LRMDA: variants seen among roughly 807,000 people sequenced by gnomAD.
LRMDA encodes the protein leucine-rich melanocyte differentiation-associated protein.
A neutral mutation model predicts 29.8 loss-of-function variants in LRMDA; 18 were observed. That is an observed-to-expected ratio of 0.60 (90% CI 0.42 to 0.90). LRMDA has a LOEUF of 0.90. LRMDA is among the 40% of genes least tolerant of loss of function. The probability of loss-of-function intolerance (pLI) is 0.00; values close to 1 mark genes in which losing one functional copy is unlikely to be tolerated. For missense variants in LRMDA, 273 were observed against 273.9 expected (o/e 1.00, Z 0.02); for synonymous variants, 125 against 109.4 (o/e 1.14, Z -0.89).
intron 2 of LRMDA, among the ~76,000 whole-genome samples, chr10:75,528,817 C>G (rs1042869658): frequency 5.3e-5 from 8 of 151,990 alleles, no homozygotes; most frequent in Non-Finnish European, 1.0e-4. Flanking sequence ...CACAAAAAAC[C>G]TAGTATTAAT....
chr10:75,905,661 A>G (rs1323844383), intron 2 of LRMDA, among the ~76,000 whole-genome samples: 12 of 152,114 alleles, frequency 7.9e-5, no homozygotes, highest in Non-Finnish European at 1.6e-4. Flanking sequence ...GGGGTTTGCA[A>G]TGAAGGGGAG....
At chr10:76,008,004 G>A (rs1020334390) in intron 2 of LRMDA, among the ~76,000 whole-genome samples, 2 of 152,080 alleles carry the variant, frequency 1.3e-5, no homozygotes, top group African/African-American at 2.4e-5. Context: ...TGGCTCTCTC[G>A]AGCTCTCATC....
intron 6 of LRMDA, among the ~76,000 whole-genome samples, chr10:76,402,758 C>T (rs755535009): frequency 3.3e-5 from 5 of 152,174 alleles, no homozygotes; most frequent in Non-Finnish European, 7.3e-5. Context: ...CTAAGAATTA[C>T]TAAGGAGGGA....
chr10:76,196,603 G>T (rs560672952), intron 5 of LRMDA, among the ~76,000 whole-genome samples: 2 of 152,312 alleles, frequency 1.3e-5, no homozygotes, highest in East Asian at 3.9e-4. Context: ...GAACAGGACA[G>T]AATACTGGGC....
intron 3 of LRMDA, among the ~76,000 whole-genome samples, chr10:76,044,599 G>A (rs976930166): frequency 3.9e-5 from 6 of 152,036 alleles, no homozygotes; most frequent in Non-Finnish European, 8.8e-5. Flanking sequence ...TTGAACTTTA[G>A]TAAGTGTATT....
intron 5 of LRMDA, among the ~76,000 whole-genome samples, chr10:76,302,140 C>G (rs569100393): frequency 6.6e-6 from 1 of 152,078 alleles, no homozygotes; most frequent in Admixed American, 6.5e-5. Flanking sequence ...CCCTCAGGTG[C>G]TCATGGAACA....
rs573995684 is a variant in LRMDA, at chr10:75,813,726, A to T, written c.132-222282A>T. 3.3e-5 allele frequency among the ~76,000 whole-genome samples: 5 copies of T among 152,330 alleles called. No individual in the cohort carries two copies. In the South Asian group the frequency reaches 1.0e-3, roughly 32 times the overall value. Reference sequence around the variant, plus strand: ...TACAACTTTACATGCAGTTTCAGATATCCAAATTCCCTGATCGTGAACTCC... The same window carrying T: ...TACAACTTTACATGCAGTTTCAGATTTCCAAATTCCCTGATCGTGAACTCC... On this transcript the variant is annotated intron_variant, in intron 2 of 6. Coordinates refer to ENST00000611255, the MANE Select transcript of LRMDA (RefSeq NM_001305581.2).
chr10:76,479,829 A>G (rs1354568132), intron 6 of LRMDA, among the ~76,000 whole-genome samples: 2 of 151,884 alleles, frequency 1.3e-5, no homozygotes, highest in South Asian at 4.1e-4. Context: ...TGAGCCTTAT[A>G]TGCTTTGACC....
At chr10:76,413,680 TTATC>T (rs1408791357) in intron 6 of LRMDA, among the ~76,000 whole-genome samples, 1 of 152,062 alleles carries the variant, frequency 6.6e-6, no homozygotes, top group African/African-American at 2.4e-5. Flanking sequence ...AGTATAAAAT[TTATC>T]TATTTTATTT....
At chr10:76,308,999 C>T (rs1362037291) in intron 5 of LRMDA, among the ~76,000 whole-genome samples, 2 of 148,192 alleles carry the variant, frequency 1.3e-5, no homozygotes, top group African/African-American at 5.1e-5. Context: ...TCCTCACTGC[C>T]TTAAGATGTT....
intron 2 of LRMDA, among the ~76,000 whole-genome samples, chr10:75,924,878 A>AT (rs1463298168): frequency 6.6e-6 from 1 of 152,112 alleles, no homozygotes; most frequent in African/African-American, 2.4e-5. Flanking sequence ...AACAAATTAA[A>AT]TTTGAGGGGC....
chr10:76,004,611 A>G (rs956231953), intron 2 of LRMDA, among the ~76,000 whole-genome samples: 5 of 152,188 alleles, frequency 3.3e-5, no homozygotes, highest in African/African-American at 9.7e-5. Context: ...ATGGTCTCCA[A>G]TGTCTGCAGT....
At chr10:75,857,111 G>C (rs180878292) in intron 2 of LRMDA, among the ~76,000 whole-genome samples, 101 of 152,304 alleles carry the variant, frequency 6.6e-4, no homozygotes, top group African/African-American at 2.2e-3. Context: ...CTGAGCCTCT[G>C]TTTCTTTATC....
intron 4 of LRMDA, among the ~76,000 whole-genome samples, chr10:76,047,960 C>G (rs1848468540): frequency 1.3e-5 from 2 of 152,168 alleles, no homozygotes; most frequent in South Asian, 4.1e-4. Context: ...CTTTAAAAGC[C>G]CTGATCCAAA....
Position 76,143,456 on chromosome 10 carries a change from T to A in LRMDA, c.516+84673T>A, listed in dbSNP as rs563612513. 8.5e-5 allele frequency among the ~76,000 whole-genome samples: 13 copies of A among 152,304 alleles called. No homozygotes were observed. The South Asian group carries it at 2.5e-3, about 29-fold the overall frequency. On this transcript the variant is annotated intron_variant, in intron 5 of 6. Coordinates refer to ENST00000611255, the MANE Select transcript of LRMDA (RefSeq NM_001305581.2). ...TCTGATGGCCAGTGATGATGAGCAT[T>A]TTTTCATGTGTTTTTTGGCTGCATA...
chr10:75,881,222 G>C (rs893507215), intron 2 of LRMDA, among the ~76,000 whole-genome samples: 3 of 152,194 alleles, frequency 2.0e-5, no homozygotes, highest in Non-Finnish European at 1.5e-5. Context: ...TGGTGCTACA[G>C]ATTTGATGGT....
chr10:75,490,450 T>G (rs1844973040), intron 2 of LRMDA, among the ~76,000 whole-genome samples: 1 of 152,164 alleles, frequency 6.6e-6, no homozygotes, highest in Non-Finnish European at 1.5e-5. Flanking sequence ...TCTTTTTCAC[T>G]CAGCGTGTTT....
intron 2 of LRMDA, among the ~76,000 whole-genome samples, chr10:75,491,731 G>A (rs936002085): frequency 6.6e-6 from 1 of 152,036 alleles, no homozygotes; most frequent in Non-Finnish European, 1.5e-5. Context: ...TCAGATGTAG[G>A]GATTTGGTCT....
intron 2 of LRMDA, among the ~76,000 whole-genome samples, chr10:76,012,411 T>C (rs142534177): frequency 6.6e-6 from 1 of 152,314 alleles, no homozygotes; most frequent in East Asian, 1.9e-4. Context: ...GGGACCCTAG[T>C]GCACTTGTTC....
Sources: allele counts gnomAD v4.1 joint callset (sites outside exome capture counted in the v4.1 genomes callset), GRCh38; gene constraint gnomAD v4.1.1; transcripts MANE v1.5; gene names NCBI Gene and HGNC (gene_info 2026-07-23, HGNC 2026-07-21).